The following MBNL2 variants were observed in gnomAD, a reference collection of about 807,000 sequenced individuals.
The protein encoded by MBNL2 is muscleblind-like protein 2.
In MBNL2, 17 loss-of-function variants were observed where a neutral mutation model predicts 41.9. That is an observed-to-expected ratio of 0.41 (90% CI 0.28 to 0.61). The LOEUF is 0.61. Among genes scored for constraint, MBNL2 ranks in the 20% least tolerant of loss-of-function variants. The pLI, the probability that MBNL2 is intolerant of heterozygous loss-of-function variation, is 0.35. For missense variants in MBNL2, 336 were observed against 505.6 expected (o/e 0.66, Z 3.22); for synonymous variants, 195 against 182.9 (o/e 1.07, Z -0.53).
chr13:97,245,235 A>G (rs764779523), intron 1 of MBNL2, among the ~76,000 whole-genome samples: 3 of 152,164 alleles, frequency 2.0e-5, no homozygotes, highest in African/African-American at 2.4e-5. Context: ...AGGAATTCTG[A>G]TCAGTTGGTG....
At chr13:97,194,611 A>G in the MBNL2 span, among the ~76,000 whole-genome samples, 1 of 152,144 alleles carries the variant, frequency 6.6e-6, no homozygotes, top group African/African-American at 2.4e-5. Context: ...TAGTTACAGG[A>G]TGAGATAGGT....
chr13:97,268,669 T>C lies in MBNL2; in HGVS notation c.-604-6963T>C, dbSNP rs764182804. The stretch of plus-strand genomic sequence containing the variant: ...TTCTTATTAAAATGCAAATATTCCT[T>C]GGAGGAGGATCAGGAGCTCATTCAA... On this transcript the variant is annotated intron_variant, in intron 1 of 8. Transcript: ENST00000679496. This position sits in a 1 kb window ranked among gnomAD's most constrained non-coding sequence, Gnocchi z 4.6. Among the ~76,000 whole-genome samples, 2 of 152,170 alleles carry C rather than the reference T, an allele frequency of 1.3e-5. No individual in the cohort carries two copies. The highest frequency in any genetic ancestry group is 2.9e-5 in the Non-Finnish European group (2 of 68,022).
upstream of MBNL2, among the ~76,000 whole-genome samples, chr13:97,219,703 T>C (rs2040696199): frequency 2.6e-5 from 4 of 152,278 alleles, no homozygotes; most frequent in Admixed American, 1.3e-4. Flanking sequence ...TACCTTCCTA[T>C]TGAGGGCTAG....
At chr13:97,351,322 A>G (rs148154570) in intron 5 of MBNL2, among the ~76,000 whole-genome samples, 55 of 152,344 alleles carry the variant, frequency 3.6e-4, no homozygotes, top group African/African-American at 1.3e-3. Context: ...CATAATTCAT[A>G]AGGGCCCTAG....
At chr13:97,227,219 G>A (rs981299493) in intron 1 of MBNL2, among the ~76,000 whole-genome samples, 25 of 152,164 alleles carry the variant, frequency 1.6e-4, no homozygotes, top group African/African-American at 5.8e-4. Flanking sequence ...AGGAGGCTGA[G>A]GATGTAGCCA....
rs2152760143 is a variant in MBNL2, at chr13:97,222,465, G to T, written c.-671G>T. 1 of 398,610 alleles carries T rather than the reference G, an allele frequency of 2.5e-6. No individual in the cohort carries two copies. Among genetic ancestry groups the T allele is most frequent in the South Asian group, 1.3e-4 (1 of 7,856 alleles). The allele number at this position is 398,610 out of a possible 1,614,324, so 24.7% of individuals were successfully genotyped here. A position where few individuals can be genotyped will look rare whatever the true frequency, so the allele number is the denominator to read the frequency against. On this transcript the variant is annotated 5_prime_UTR_variant, in exon 1 of 9. Coordinates refer to ENST00000679496, the MANE Select transcript of MBNL2 (RefSeq NM_001382683.1). Reference sequence around the variant, plus strand: ...CTCATGATGCGGTGGAGAAGCCTCGGCCACTTGGTTCTGCCAGATGTTCCT... The same window carrying T: ...CTCATGATGCGGTGGAGAAGCCTCGTCCACTTGGTTCTGCCAGATGTTCCT...
intron 3 of MBNL2, among the ~76,000 whole-genome samples, chr13:97,341,692 G>C (rs953503246): frequency 2.0e-5 from 3 of 152,068 alleles, no homozygotes; most frequent in African/African-American, 4.8e-5. Context: ...TTTGAAAATA[G>C]GCTTTCCTGC....
intron 2 of MBNL2, among the ~76,000 whole-genome samples, chr13:97,286,924 G>A (rs890118485): frequency 2.0e-5 from 3 of 152,202 alleles, no homozygotes; most frequent in African/African-American, 7.2e-5. Context: ...GGGAGGCAGG[G>A]ACCGCGTTGT....
At chr13:97,219,429 A>T (rs1287683278), upstream of MBNL2, among the ~76,000 whole-genome samples, 1 of 152,198 alleles carries the variant, frequency 6.6e-6, no homozygotes, top group Non-Finnish European at 1.5e-5. Flanking sequence ...AGGCTGCCAT[A>T]GACTGGGTGG....
chr13:97,339,048 CAA>C (rs1306085381), intron 3 of MBNL2, among the ~76,000 whole-genome samples: 2 of 22,654 alleles, frequency 8.8e-5, no homozygotes, highest in African/African-American at 3.0e-4. Flanking sequence ...TGTATATGTG[CAA>C]GTGTGTATAT....
chr13:97,384,730 TAATA>T (rs772716507), intron 8 of MBNL2, among the ~76,000 whole-genome samples: 48 of 152,210 alleles, frequency 3.2e-4, no homozygotes, highest in Non-Finnish European at 6.3e-4. Flanking sequence ...TTTAAATTAA[TAATA>T]AATTTTGTTT....
chr13:97,165,523 G>T, the MBNL2 span, among the ~76,000 whole-genome samples: 3 of 152,170 alleles, frequency 2.0e-5, no homozygotes, highest in South Asian at 4.1e-4. Context: ...CAAAATTTCA[G>T]TTGGGAGGTT....
intron 1 of MBNL2, among the ~76,000 whole-genome samples, chr13:97,265,577 C>G (rs1203738795): frequency 1.3e-5 from 2 of 152,100 alleles, no homozygotes; most frequent in African/African-American, 2.4e-5. Flanking sequence ...AGCCTTTCTA[C>G]TTTCTTTTAC....
intron 1 of MBNL2, among the ~76,000 whole-genome samples, chr13:97,252,017 A>G (rs1258122304): frequency 6.8e-6 from 1 of 147,902 alleles, no homozygotes; most frequent in Non-Finnish European, 1.5e-5. Flanking sequence ...CGCCCGGCTA[A>G]TTTTTTGTAT....
chr13:97,359,902 A>G (rs533879473), intron 7 of MBNL2, among the ~76,000 whole-genome samples: 17 of 152,342 alleles, frequency 1.1e-4, no homozygotes, highest in Admixed American at 9.8e-4. Flanking sequence ...AGGAAATTAA[A>G]ATAATCTTTC....
At chr13:97,181,605 G>A in the MBNL2 span, among the ~76,000 whole-genome samples, 1 of 152,178 alleles carries the variant, frequency 6.6e-6, no homozygotes, top group African/African-American at 2.4e-5. Context: ...GATAATTTAT[G>A]CCTAAAGCCT....
At position 97,243,208 on chromosome 13, in the gene MBNL2, T is replaced by C. The variant is rs531862103; in HGVS notation, c.-605+20677T>C. Among the ~76,000 whole-genome samples the C allele has an allele frequency of 1.5e-4, 23 of 152,292 alleles. No homozygotes were observed. In the South Asian group the frequency reaches 4.6e-3, roughly 30 times the overall value. ...ATATCAAGTTCCACTGCAGTTTAGG[T>C]AGATGCATTTTCAGTTTACCCTGGA... On this transcript the variant is annotated intron_variant, in intron 1 of 8. Coordinates refer to ENST00000679496, the MANE Select transcript of MBNL2 (RefSeq NM_001382683.1).
intron 2 of MBNL2, among the ~76,000 whole-genome samples, chr13:97,299,477 GT>G (rs995500467): frequency 2.6e-5 from 4 of 152,102 alleles, no homozygotes; most frequent in African/African-American, 9.6e-5. Context: ...ATTCACAATG[GT>G]TCAACTCAAC....
intron 5 of MBNL2, among the ~76,000 whole-genome samples, chr13:97,352,275 T>C (rs1191003497): frequency 6.6e-6 from 1 of 152,216 alleles, no homozygotes; most frequent in African/African-American, 2.4e-5. Context: ...GCCTAGCTTT[T>C]AGCCTATCTT....
Sources: allele counts gnomAD v4.1 joint callset (sites outside exome capture counted in the v4.1 genomes callset), GRCh38; gene constraint gnomAD v4.1.1; non-coding constraint Gnocchi (gnomAD v3.1); transcripts MANE v1.5; gene names NCBI Gene and HGNC (gene_info 2026-07-23, HGNC 2026-07-21).